The following KCTD8 variants were observed in gnomAD, a reference collection of about 807,000 sequenced individuals.
The protein encoded by KCTD8 is potassium channel tetramerization domain containing 8.
KCTD8 carries 27 observed loss-of-function variants against 31.5 expected under a neutral mutation model. That is an observed-to-expected ratio of 0.86 (90% CI 0.63 to 1.18). The LOEUF (loss-of-function observed/expected upper bound fraction) is 1.18, where lower values mean the gene tolerates loss of function less well. Ranked by LOEUF, KCTD8 falls within the 50% of genes most tolerant of loss-of-function variation. The pLI, the probability that KCTD8 is intolerant of heterozygous loss-of-function variation, is 0.00. For missense variants in KCTD8, 658 were observed against 647.7 expected, an observed-to-expected ratio of 1.02 and a Z score of -0.17; for synonymous variants, 290 against 280.0, an observed-to-expected ratio of 1.04 and a Z score of -0.36.
At chr4:44,256,902 G>A (rs1365453274) in intron 1 of KCTD8, among the ~76,000 whole-genome samples, 1 of 151,932 alleles carries the variant, frequency 6.6e-6, no homozygotes, top group Non-Finnish European at 1.5e-5. Context: ...TGAATCTGTG[G>A]TTATTTGTTA....
At chr4:44,197,500 G>A (rs1410228214) in intron 1 of KCTD8, among the ~76,000 whole-genome samples, 2 of 152,090 alleles carry the variant, frequency 1.3e-5, no homozygotes, top group Non-Finnish European at 2.9e-5. Context: ...CCAATCTGCT[G>A]GCCATCATGC....
At chr4:44,354,677 A>C (rs932186702) in intron 1 of KCTD8, among the ~76,000 whole-genome samples, 35 of 152,244 alleles carry the variant, frequency 2.3e-4, no homozygotes, top group African/African-American at 8.4e-4. Flanking sequence ...TAAAATCCTC[A>C]TGGGTAAGTA....
intron 1 of KCTD8, among the ~76,000 whole-genome samples, chr4:44,377,331 T>C (rs559524707): frequency 1.4e-4 from 21 of 152,264 alleles, no homozygotes; most frequent in Admixed American, 2.0e-4. Flanking sequence ...CATTCTCATT[T>C]CCTGAGAAGC....
chr4:44,438,180 C>A (rs375396649), intron 1 of KCTD8, among the ~76,000 whole-genome samples: 3 of 152,258 alleles, frequency 2.0e-5, no homozygotes, highest in Non-Finnish European at 2.9e-5. Flanking sequence ...TCTTCAAATA[C>A]CTGGACTTTG....
intron 1 of KCTD8, among the ~76,000 whole-genome samples, chr4:44,230,797 C>T (rs137937470): frequency 3.4e-4 from 52 of 152,108 alleles, no homozygotes; most frequent in Non-Finnish European, 5.7e-4. Context: ...TCAGCTTTGC[C>T]ATTAAATTTT....
chr4:44,308,914 AATG>A (rs1274965392), intron 1 of KCTD8, among the ~76,000 whole-genome samples: 1 of 152,132 alleles, frequency 6.6e-6, no homozygotes, highest in Non-Finnish European at 1.5e-5. Flanking sequence ...TTTGAGCAGG[AATG>A]ATGATATTGA....
At chr4:44,254,318 T>G (rs1715931018) in intron 1 of KCTD8, among the ~76,000 whole-genome samples, 1 of 151,918 alleles carries the variant, frequency 6.6e-6, no homozygotes, top group South Asian at 2.1e-4. Flanking sequence ...AAAGAAAGTA[T>G]TGGGTCCAGG....
rs575913552 is a variant in KCTD8, at chr4:44,248,170, C to T, written c.962-72920G>A. Among the ~76,000 whole-genome samples, 8 of 151,808 alleles carry T rather than the reference C, an allele frequency of 5.3e-5. No individual in the cohort carries two copies. The East Asian group carries it at 7.8e-4, about 15-fold the overall frequency. On this transcript the variant is annotated intron_variant, in intron 1 of 1. Coordinates refer to ENST00000360029, the MANE Select transcript of KCTD8 (RefSeq NM_198353.3). ...TTTTCATTAATATTTCCCACCTGAA[C>T]GAGTGTAAGCTTTTTAGTATGACAT...
chr4:44,231,277 T>C (rs1368464468), intron 1 of KCTD8, among the ~76,000 whole-genome samples: 2 of 152,156 alleles, frequency 1.3e-5, no homozygotes, highest in African/African-American at 4.8e-5. Context: ...TTATAGTTGC[T>C]TCAATCAATG....
intron 1 of KCTD8, among the ~76,000 whole-genome samples, chr4:44,433,266 C>T (rs769519259): frequency 2.0e-5 from 3 of 151,754 alleles, no homozygotes; most frequent in Non-Finnish European, 3.0e-5. Context: ...TTCTCCACAT[C>T]CAATAGATCA....
chr4:44,413,034 T>G (rs1720997526), intron 1 of KCTD8, among the ~76,000 whole-genome samples: 1 of 152,182 alleles, frequency 6.6e-6, no homozygotes, highest in Non-Finnish European at 1.5e-5. Context: ...ATATTGTGTC[T>G]GTGCTACTGG....
At chr4:44,314,751 T>G (rs1718059361) in intron 1 of KCTD8, among the ~76,000 whole-genome samples, 1 of 151,984 alleles carries the variant, frequency 6.6e-6, no homozygotes, top group South Asian at 2.1e-4. Context: ...TATTTCACTA[T>G]CAGTACATAG....
At chr4:44,232,355 T>C (rs1368305906) in intron 1 of KCTD8, among the ~76,000 whole-genome samples, 2 of 152,068 alleles carry the variant, frequency 1.3e-5, no homozygotes, top group Admixed American at 6.6e-5. Context: ...TTAAAGCAGT[T>C]GTCAAAAAAA....
intron 1 of KCTD8, among the ~76,000 whole-genome samples, chr4:44,435,085 A>C (rs1721610305): frequency 6.6e-6 from 1 of 152,002 alleles, no homozygotes; most frequent in South Asian, 2.1e-4. Context: ...AATTATGAAG[A>C]GTAGAATAGC....
chr4:44,324,630 A>G (rs949393408), intron 1 of KCTD8, among the ~76,000 whole-genome samples: 3 of 152,040 alleles, frequency 2.0e-5, no homozygotes, highest in Non-Finnish European at 4.4e-5. Flanking sequence ...ATTTCCTTCA[A>G]TGTTTAATTT....
At position 44,248,614 on chromosome 4, in the gene KCTD8, A is replaced by G. The variant is rs148892004; in HGVS notation, c.962-73364T>C. ...TGTGGTTGCACAAGCATGAATCAAT[A>G]TCTCATTTCTCAAATGGACTTGCAG... On this transcript the variant is annotated intron_variant, in intron 1 of 1. Coordinates refer to ENST00000360029, the MANE Select transcript of KCTD8 (RefSeq NM_198353.3). Among the ~76,000 whole-genome samples, 927 of 152,010 alleles carry G rather than the reference A, an allele frequency of 6.1e-3. 13 individuals are homozygous for G. Among genetic ancestry groups the G allele is most frequent in the African/African-American group, 0.021 (864 of 41,510 alleles).
chr4:44,265,665 T>A (rs1057036193), intron 1 of KCTD8, among the ~76,000 whole-genome samples: 13 of 151,952 alleles, frequency 8.6e-5, no homozygotes, highest in Non-Finnish European at 1.5e-4. Flanking sequence ...GACAAATGTA[T>A]AACTAGAATA....
intron 1 of KCTD8, among the ~76,000 whole-genome samples, chr4:44,204,750 C>A (rs2109340850): frequency 6.6e-6 from 1 of 151,932 alleles, no homozygotes; most frequent in South Asian, 2.1e-4. Flanking sequence ...TTCCACTCCT[C>A]AATATTATAC....
chr4:44,185,088 A>G (rs1396206842), intron 1 of KCTD8, among the ~76,000 whole-genome samples: 1 of 152,258 alleles, frequency 6.6e-6, no homozygotes, highest in South Asian at 2.1e-4. Context: ...CATATATTAG[A>G]AGAGGTTTCC....
Sources: gnomAD v4.1 joint callset for allele counts (sites outside exome capture counted in the v4.1 genomes callset) on GRCh38, gnomAD v4.1.1 for gene constraint, MANE v1.5 for transcripts, NCBI Gene and HGNC (gene_info 2026-07-23, HGNC 2026-07-21) for gene names.